Variants in EHMT1 observed in about 807,000 individuals in gnomAD.
EHMT1 encodes the protein euchromatic histone lysine methyltransferase 1, also known as histone-lysine N-methyltransferase EHMT1.
In EHMT1, 15 loss-of-function variants were observed where a neutral mutation model predicts 147.2. The observed-to-expected ratio is 0.10, with a 90% CI of 0.07 to 0.16. The LOEUF (loss-of-function observed/expected upper bound fraction) is 0.16. Among genes scored for constraint, EHMT1 ranks in the 10% least tolerant of loss-of-function variants. The pLI is 1.00. For synonymous variants in EHMT1, 795 were observed against 709.6 expected (o/e 1.12, Z -1.91); for missense variants, 1,587 against 1,772.4 (o/e 0.90, Z 1.88).
chr9:137,671,945 C>G (rs923861004), intron 1 of EHMT1, among the ~76,000 whole-genome samples: 52 of 152,346 alleles, frequency 3.4e-4, no homozygotes, highest in African/African-American at 1.1e-3. Flanking sequence ...TCCTTGTGTT[C>G]GTGCTGCGCC....
intron 1 of EHMT1, among the ~76,000 whole-genome samples, chr9:137,701,093 C>T (rs1943784406): frequency 6.6e-6 from 1 of 152,110 alleles, no homozygotes; most frequent in Admixed American, 6.5e-5. Context: ...CTCATGAGAA[C>T]TCACTCATTA....
chr9:137,647,541 G>C (rs985661941), intron 1 of EHMT1, among the ~76,000 whole-genome samples: 1 of 151,780 alleles, frequency 6.6e-6, no homozygotes, highest in African/African-American at 2.4e-5. Context: ...GTCTTTGCCA[G>C]GCGTTGCTGC....
rs757024773 is a variant in EHMT1 at position 137,813,098 on chromosome 9, G to A, written c.2960G>A (p.Ser987Asn). 5.0e-6 allele frequency: 8 copies of A among 1,613,586 alleles called. No homozygotes were observed. The highest frequency in any genetic ancestry group is 1.1e-5 in the South Asian group (1 of 91,082). ...QCASLNSQVW[S>N]ALQMSKALQD... Reference sequence around the variant, plus strand: ...GCGAGCCTCAACTCTCAGGTGTGGAGCGCTCTGCAGATGAGCAAGGCTCTG... The same window carrying A: ...GCGAGCCTCAACTCTCAGGTGTGGAACGCTCTGCAGATGAGCAAGGCTCTG... Residue 987 changes from serine (S) to asparagine (N), a missense_variant, in exon 20 of 27, where the codon AGC (serine) becomes AAC (asparagine). Ser to Asn is a conservative substitution (Grantham distance 46). Coordinates refer to ENST00000460843, the MANE Select transcript of EHMT1 (RefSeq NM_024757.5). This position sits in a 1 kb window ranked among gnomAD's most constrained non-coding sequence, Gnocchi z 4.9.
Position 137,817,456 on chromosome 9 carries a change from A to G in EHMT1, c.3392A>G (p.Tyr1131Cys), listed in dbSNP as rs753933684. ...QNGLRARLQL[Y>C]RTRDMGWGVR... ...TTTTTCAGGGCAAGGCTGCAGCTCT[A>G]CCGGACGCGGGACATGGGCTGGGGC... Residue 1131 changes from tyrosine (Y) to cysteine (C), a missense_variant, in exon 24 of 27, where the codon TAC becomes TGC. By Grantham distance (194) the Tyr-to-Cys change is radical. This residue lies in a region of EHMT1 where 156 missense variants were observed against 252.5 expected (regional missense o/e 0.62). Coordinates refer to ENST00000460843, the MANE Select transcript of EHMT1 (RefSeq NM_024757.5). 66 of 1,614,054 alleles carry G rather than the reference A, an allele frequency of 4.1e-5. No individual in the cohort carries two copies. In the South Asian group the frequency reaches 7.0e-4, roughly 17 times the overall value.
chr9:137,701,100 A>G (rs1361101091), intron 1 of EHMT1, among the ~76,000 whole-genome samples: 2 of 152,138 alleles, frequency 1.3e-5, no homozygotes, highest in Admixed American at 1.3e-4. Flanking sequence ...GAACTCACTC[A>G]TTATCATGAG....
chr9:137,757,072 A>C (rs1949430991), intron 8 of EHMT1, among the ~76,000 whole-genome samples: 1 of 152,250 alleles, frequency 6.6e-6, no homozygotes, highest in Non-Finnish European at 1.5e-5. Flanking sequence ...ATTACCTGGT[A>C]CAGGTACACA....
intron 1 of EHMT1, among the ~76,000 whole-genome samples, chr9:137,641,769 G>C (rs891310290): frequency 4.6e-5 from 7 of 152,122 alleles, no homozygotes; most frequent in African/African-American, 1.7e-4. Context: ...TCCGGGAGGA[G>C]AGTCTGGACC....
At chr9:137,777,830 C>G in intron 12 of EHMT1, 52 bp from the exon 13 acceptor site, 2 of 1,607,096 alleles carry the variant, frequency 1.2e-6, no homozygotes, top group South Asian at 2.2e-5. Context: ...AGAGTCGGAA[C>G]AGGCCATGTT....
chr9:137,761,829 T>C (rs1949847026), intron 9 of EHMT1, among the ~76,000 whole-genome samples: 1 of 152,252 alleles, frequency 6.6e-6, no homozygotes, highest in Non-Finnish European at 1.5e-5. Context: ...CTATTTCTGC[T>C]TTGACTGTTT....
At chr9:137,631,373 C>G (rs555390186) in intron 1 of EHMT1, among the ~76,000 whole-genome samples, 2 of 151,742 alleles carry the variant, frequency 1.3e-5, no homozygotes, top group Admixed American at 1.3e-4. Flanking sequence ...GCCTGGGTAA[C>G]AAGAGTGAAC....
intron 25 of EHMT1, among the ~76,000 whole-genome samples, chr9:137,821,281 A>C (rs1480111536): frequency 6.9e-6 from 1 of 145,332 alleles, no homozygotes; most frequent in Non-Finnish European, 1.5e-5. Context: ...GGCCTCCCAA[A>C]GTGCTGGGAT....
chr9:137,717,060 G>T lies in EHMT1; in HGVS notation c.520G>T (p.Ala174Ser), dbSNP rs145055789. ...TPSAFPQTPA[A>S]PPATLGEGSA... ...AAGCGCTTTTCCCCAGACGCCAGCC[G>T]CCCCACCAGCCACCCTTGGGGAGGG... Residue 174 changes from alanine to serine, a missense_variant, in exon 3 of 27, where the codon GCC becomes TCC. Physicochemically the swap from Ala to Ser is moderately conservative, Grantham distance 99 (BLOSUM62 1). Around this residue, in one of 7 missense-constraint regions of EHMT1, gnomAD observed 810 missense variants for 673.0 expected, o/e 1.20. Coordinates refer to ENST00000460843, the MANE Select transcript of EHMT1 (RefSeq NM_024757.5). The T allele has an allele frequency of 4.0e-5, 64 of 1,607,016 alleles. No homozygotes were observed. Among genetic ancestry groups the T allele is most frequent in the Non-Finnish European group, 5.2e-5 (61 of 1,176,022 alleles).
At chr9:137,820,900 C>T (rs1024268075) in intron 25 of EHMT1, among the ~76,000 whole-genome samples, 41 of 151,956 alleles carry the variant, frequency 2.7e-4, no homozygotes, top group African/African-American at 3.9e-4. Flanking sequence ...TGTTTTGAGA[C>T]GGAGTCTCGC....
chr9:137,713,009 C>G (rs749813850), intron 2 of EHMT1, among the ~76,000 whole-genome samples: 2 of 152,118 alleles, frequency 1.3e-5, no homozygotes, highest in Non-Finnish European at 2.9e-5. Context: ...AATCAGTTGT[C>G]CCAGCAACAT....
intron 1 of EHMT1, among the ~76,000 whole-genome samples, chr9:137,674,486 G>T (rs912499064): frequency 6.6e-6 from 1 of 152,118 alleles, no homozygotes; most frequent in Non-Finnish European, 1.5e-5. Flanking sequence ...CCTGACTCTC[G>T]GCTCCAGCGC....
intron 6 of EHMT1, chr9:137,745,350 G>A (rs1314419637): frequency 2.6e-6 from 1 of 387,456 alleles, no homozygotes; most frequent in Non-Finnish European, 4.5e-6. Flanking sequence ...TTTGAATGTT[G>A]CTCCCAGGTT....
At chr9:137,822,691 G>A (rs1955509533) in intron 25 of EHMT1, among the ~76,000 whole-genome samples, 2 of 152,046 alleles carry the variant, frequency 1.3e-5, no homozygotes, top group Admixed American at 6.5e-5. Flanking sequence ...TCAGTAGTTC[G>A]AGACCAGCCT....
At chr9:137,803,359 C>A (rs1953660638) in intron 18 of EHMT1, 1 of 950,794 alleles carries the variant, frequency 1.1e-6, no homozygotes, top group Admixed American at 6.1e-5. Flanking sequence ...TCAGGTGATC[C>A]TCCGCGCTTC....
At chr9:137,678,252 A>G (rs761685348) in intron 1 of EHMT1, among the ~76,000 whole-genome samples, 13 of 152,062 alleles carry the variant, frequency 8.5e-5, no homozygotes, top group Admixed American at 2.6e-4. Flanking sequence ...TTCTCTCCTG[A>G]TGACACTGCT....
Sources: gnomAD v4.1 joint callset for allele counts (sites outside exome capture counted in the v4.1 genomes callset) on GRCh38, gnomAD v4.1.1 for gene constraint, gnomAD v4.1.1 regional missense constraint, Gnocchi (gnomAD v3.1) non-coding constraint, MANE v1.5 for transcripts, NCBI Gene and HGNC (gene_info 2026-07-23, HGNC 2026-07-21) for gene names.